Variants in TMEM181 observed in about 807,000 individuals in gnomAD.
The protein encoded by TMEM181 is G protein-coupled receptor 178.
A neutral mutation model predicts 71.9 loss-of-function variants in TMEM181; 39 were observed. That is an observed-to-expected ratio of 0.54 (90% confidence interval 0.42 to 0.71). The LOEUF (loss-of-function observed/expected upper bound fraction) is 0.71, where lower values mean the gene tolerates loss of function less well. Ranked by LOEUF, TMEM181 falls within the 30% of genes least tolerant of loss-of-function variation. TMEM181 has a pLI of 0.00. For missense variants in TMEM181, 595 were observed against 583.0 expected (o/e 1.02, Z -0.21); for synonymous variants, 245 against 228.8 (o/e 1.07, Z -0.64).
intron 7 of TMEM181, among the ~76,000 whole-genome samples, chr6:158,606,480 C>G (rs1207108573): frequency 6.6e-6 from 1 of 152,190 alleles, no homozygotes; most frequent in Non-Finnish European, 1.5e-5. Flanking sequence ...GTCCAAAGAG[C>G]TATTTATTAC....
intron 1 of TMEM181, among the ~76,000 whole-genome samples, chr6:158,541,819 T>C (rs1781359271): frequency 7.8e-6 from 1 of 127,646 alleles, no homozygotes; most frequent in Non-Finnish European, 1.7e-5. Flanking sequence ...AGTGTAACTA[T>C]TGACTGACAA....
intron 5 of TMEM181, 48 bp downstream of exon 5, chr6:158,585,473 C>A: frequency 7.0e-7 from 1 of 1,419,514 alleles, no homozygotes; most frequent in Non-Finnish European, 9.3e-7. Flanking sequence ...GCTGTGTACA[C>A]GTTTAATTAC....
At chr6:158,563,411 T>C (rs1053389247) in intron 1 of TMEM181, among the ~76,000 whole-genome samples, 16 of 152,226 alleles carry the variant, frequency 1.1e-4, no homozygotes, top group Non-Finnish European at 2.2e-4. Flanking sequence ...CCCAAAGTGC[T>C]GGGACTATAG....
At position 158,633,760 on chromosome 6, in the gene TMEM181, A is replaced by G. The variant is rs1262140304; in HGVS notation, c.*1872A>G. On this transcript the variant is annotated 3_prime_UTR_variant, in exon 17 of 17. Transcript: ENST00000684151. ...ATGAATGTTTAAGACAACTTACTGCAAGGGTAATTCAAGTTTACATGATTT... is the reference window on the plus strand; with the variant it reads ...ATGAATGTTTAAGACAACTTACTGCGAGGGTAATTCAAGTTTACATGATTT... The G allele has an allele frequency of 6.6e-6, 1 of 152,218 alleles. No homozygotes were observed. Among genetic ancestry groups the G allele is most frequent in the East Asian group, 1.9e-4 (1 of 5,202 alleles). The allele number at this position is 152,218 out of a possible 1,614,324, so 9.4% of individuals were successfully genotyped here. A position where few individuals can be genotyped will look rare whatever the true frequency, so the allele number is the denominator to read the frequency against.
chr6:158,541,575 G>T (rs2128277553), intron 1 of TMEM181, among the ~76,000 whole-genome samples: 1 of 152,318 alleles, frequency 6.6e-6, no homozygotes, highest in South Asian at 2.1e-4. Flanking sequence ...ACAAAGCTCA[G>T]TGACTGCTGT....
rs952244237 is a variant in TMEM181 at position 158,633,451 on chromosome 6, CA to C, written c.*1565del. The stretch of plus-strand genomic sequence containing the variant: ...TCTGTTAACATCTGGTAACTGTGGG[CA>C]ACCTGACTGATGCCGTCTTGGCAAT... On this transcript the variant is annotated 3_prime_UTR_variant, in exon 17 of 17. Coordinates refer to ENST00000684151, the MANE Select transcript of TMEM181 (RefSeq NM_001376852.1). 1.5e-4 allele frequency: 23 copies of C among 152,238 alleles called. No homozygotes were observed. The highest frequency in any genetic ancestry group is 5.5e-4 in the African/African-American group (23 of 41,476). 9.4% of individuals were successfully genotyped at this position (152,238 alleles called of 1,614,324 possible).
At chr6:158,596,894 G>C (rs1243340859) in intron 6 of TMEM181, among the ~76,000 whole-genome samples, 1 of 152,150 alleles carries the variant, frequency 6.6e-6, no homozygotes, top group Non-Finnish European at 1.5e-5. Flanking sequence ...CCTCCCCCGG[G>C]TCCCTCCCAC....
At chr6:158,560,651 C>G (rs1406505248) in intron 1 of TMEM181, among the ~76,000 whole-genome samples, 1 of 152,226 alleles carries the variant, frequency 6.6e-6, no homozygotes, top group Non-Finnish European at 1.5e-5. Flanking sequence ...CCCTCGGTAT[C>G]GAGAGCGCCC....
intron 6 of TMEM181, among the ~76,000 whole-genome samples, chr6:158,604,349 TGTGC>T (rs1006423860): frequency 2.7e-5 from 4 of 145,738 alleles, no homozygotes; most frequent in South Asian, 2.2e-4. Flanking sequence ...TGTGTGTGTG[TGTGC>T]GTGATGTTTT....
At chr6:158,537,576 T>C (rs2128275922) in intron 1 of TMEM181, among the ~76,000 whole-genome samples, 1 of 152,230 alleles carries the variant, frequency 6.6e-6, no homozygotes, top group Admixed American at 6.5e-5. Flanking sequence ...GGAAGGAAAG[T>C]CTGTTCACCG....
intron 10 of TMEM181, among the ~76,000 whole-genome samples, chr6:158,622,255 AGTT>A (rs904434581): frequency 3.7e-4 from 57 of 152,342 alleles, no homozygotes; most frequent in African/African-American, 1.3e-3. Flanking sequence ...TTATAATAAA[AGTT>A]GTGTGACGTG....
At chr6:158,557,524 A>ATTT (rs1315826266), upstream of TMEM181, among the ~76,000 whole-genome samples, 1 of 150,672 alleles carries the variant, frequency 6.6e-6, no homozygotes, top group Non-Finnish European at 1.5e-5. Context: ...TTATTTATTT[A>ATTT]TTTATTTATT....
intron 1 of TMEM181, among the ~76,000 whole-genome samples, chr6:158,561,544 G>C (rs1161334367): frequency 6.6e-6 from 1 of 152,210 alleles, no homozygotes. Flanking sequence ...CTGCATAGGT[G>C]GGCTGGGTGT....
intron 3 of TMEM181, among the ~76,000 whole-genome samples, chr6:158,581,769 A>AAAAC (rs1783495649): frequency 6.6e-6 from 1 of 151,456 alleles, no homozygotes; most frequent in Non-Finnish European, 1.5e-5. Flanking sequence ...AAAAAAAAAA[A>AAAAC]AAAAAGCCTT....
chr6:158,555,599 C>A (rs774548724), upstream of TMEM181, among the ~76,000 whole-genome samples: 3 of 152,174 alleles, frequency 2.0e-5, no homozygotes, highest in Admixed American at 6.5e-5. Flanking sequence ...AGATAATGAT[C>A]ATTTGAGTTC....
chr6:158,619,156 AC>A (rs1393303997), intron 10 of TMEM181, among the ~76,000 whole-genome samples: 1 of 152,114 alleles, frequency 6.6e-6, no homozygotes. Context: ...TGGTCTTTTC[AC>A]ATAGTCCCAT....
upstream of TMEM181, among the ~76,000 whole-genome samples, chr6:158,559,694 A>C (rs1211540333): frequency 2.0e-5 from 3 of 152,318 alleles, no homozygotes; most frequent in Admixed American, 2.0e-4. Flanking sequence ...TTTTGGGGTC[A>C]CAAGACCCTT....
At position 158,562,446 on chromosome 6, in the gene TMEM181, T is replaced by TTGTGTGTGTGTGTGTGTG. The variant is rs58150738; in HGVS notation, c.8+2226_8+2243dup. Among the ~76,000 whole-genome samples the TTGTGTGTGTGTGTGTGTG allele has an allele frequency of 1.1e-4, 15 of 141,102 alleles. 1 individual carries two copies. Among genetic ancestry groups the TTGTGTGTGTGTGTGTGTG allele is most frequent in the African/African-American group, 3.8e-4 (14 of 37,250 alleles). The allele number at this position is 141,102 out of a possible 152,430, so 92.6% of individuals were successfully genotyped here. On this transcript the variant is annotated intron_variant, in intron 1 of 16. Transcript: ENST00000684151. ...TCTGCAAATTTAAATAAGGCTGTTT[T>TTGTGTGTGTGTGTGTGTG]TGTGTGTGTGTGTGTGTGTGTGTGT...
At chr6:158,628,230 G>A (rs1025628475) in intron 13 of TMEM181, 178 bp from the exon 14 acceptor site, 1 of 616,548 alleles carries the variant, frequency 1.6e-6, no homozygotes, top group Non-Finnish European at 3.0e-6. Context: ...AGCAGGGGCT[G>A]TGTGTGTGTG....
Sources: gnomAD v4.1 joint callset for allele counts (sites outside exome capture counted in the v4.1 genomes callset) on GRCh38, gnomAD v4.1.1 for gene constraint, MANE v1.5 for transcripts, NCBI Gene and HGNC (gene_info 2026-07-23, HGNC 2026-07-21) for gene names.